SGCD: variants seen among roughly 807,000 people sequenced by gnomAD.
SGCD encodes sarcoglycan delta.
In SGCD, 18 loss-of-function variants were observed where a neutral mutation model predicts 36.6. That is an observed-to-expected ratio of 0.49 (90% CI 0.34 to 0.73). The LOEUF is 0.73. SGCD is among the 30% of genes least tolerant of loss of function. SGCD has a pLI of 0.01. For synonymous variants in SGCD, 133 were observed against 130.6 expected (o/e 1.02, Z -0.12); for missense variants, 387 against 346.7 (o/e 1.12, Z -0.92).
chr5:156,643,284 G>A (rs1369096970), intron 6 of SGCD, among the ~76,000 whole-genome samples: 1 of 151,742 alleles, frequency 6.6e-6, no homozygotes, highest in Non-Finnish European at 1.5e-5. Flanking sequence ...CGCCCACCTT[G>A]GCCTTCCAAA....
At chr5:156,271,460 AG>A (rs1766177739) in intron 3 of SGCD, among the ~76,000 whole-genome samples, 1 of 152,166 alleles carries the variant, frequency 6.6e-6, no homozygotes, top group African/African-American at 2.4e-5. Context: ...AGGGCAGGGG[AG>A]GGAAACCATG....
At chr5:156,056,910 T>C (rs1760080334) in intron 1 of SGCD, among the ~76,000 whole-genome samples, 1 of 146,060 alleles carries the variant, frequency 6.8e-6, no homozygotes, top group Admixed American at 6.9e-5. Context: ...GACTGATACC[T>C]ACTTAGTGTA....
At chr5:156,530,723 G>T (rs1311070080) in intron 4 of SGCD, among the ~76,000 whole-genome samples, 1 of 152,022 alleles carries the variant, frequency 6.6e-6, no homozygotes, top group East Asian at 1.9e-4. Context: ...AGGATTACAG[G>T]CATGCACCAC....
intron 3 of SGCD, among the ~76,000 whole-genome samples, chr5:156,320,919 G>A (rs1486215972): frequency 6.6e-6 from 1 of 152,176 alleles, no homozygotes; most frequent in Non-Finnish European, 1.5e-5. Context: ...AGCCAGAGCA[G>A]AGTGAGTGTC....
At chr5:156,708,767 C>T (rs568452005) in intron 7 of SGCD, among the ~76,000 whole-genome samples, 1 of 152,134 alleles carries the variant, frequency 6.6e-6, no homozygotes, top group East Asian at 1.9e-4. Flanking sequence ...AGGGACCTCA[C>T]AGAAATGAAG....
chr5:156,068,396 C>T (rs1191018926), intron 1 of SGCD, among the ~76,000 whole-genome samples: 1 of 151,798 alleles, frequency 6.6e-6, no homozygotes, highest in African/African-American at 2.4e-5. Context: ...TCTTGCGATA[C>T]TTTACTGAGA....
At chr5:156,133,951 ACACACACACAG>A (rs1561533589) in intron 3 of SGCD, among the ~76,000 whole-genome samples, 36 of 144,524 alleles carry the variant, frequency 2.5e-4, no homozygotes, top group African/African-American at 8.7e-4. Context: ...ACACACACAC[ACACACACACAG>A]TTTCTCTCTG....
chr5:156,310,253 G>A (rs1423585351), intron 3 of SGCD, among the ~76,000 whole-genome samples: 1 of 152,180 alleles, frequency 6.6e-6, no homozygotes, highest in Non-Finnish European at 1.5e-5. Context: ...TTGGTGGCGA[G>A]GCACTGGTCT....
chr5:156,281,627 C>T (rs896548181), intron 3 of SGCD, among the ~76,000 whole-genome samples: 1 of 151,992 alleles, frequency 6.6e-6, no homozygotes, highest in African/African-American at 2.4e-5. Context: ...CTTTCATGAA[C>T]CTTACATTCT....
At chr5:156,261,955 T>C (rs910615568) in intron 3 of SGCD, among the ~76,000 whole-genome samples, 2 of 152,158 alleles carry the variant, frequency 1.3e-5, no homozygotes, top group African/African-American at 4.8e-5. Flanking sequence ...AGCTGTACGA[T>C]GTATTTGTGC....
chr5:156,238,348 G>C (rs549367403), intron 3 of SGCD, among the ~76,000 whole-genome samples: 3 of 152,246 alleles, frequency 2.0e-5, no homozygotes, highest in South Asian at 2.1e-4. Flanking sequence ...AGGTGGTATA[G>C]AGCGGGGATC....
At chr5:155,847,791 T>C in the SGCD span, among the ~76,000 whole-genome samples, 2 of 152,224 alleles carry the variant, frequency 1.3e-5, no homozygotes, top group African/African-American at 4.8e-5. Context: ...CAAGCCATTT[T>C]AGCTCAGGCC....
chr5:156,485,082 C>T (rs1032622668), intron 3 of SGCD, among the ~76,000 whole-genome samples: 3 of 151,998 alleles, frequency 2.0e-5, no homozygotes, highest in Non-Finnish European at 4.4e-5. Context: ...ATGTGTCTGA[C>T]ATTCCTAAGA....
At chr5:156,042,061 T>C (rs951512981) in intron 1 of SGCD, among the ~76,000 whole-genome samples, 16 of 152,106 alleles carry the variant, frequency 1.1e-4, no homozygotes, top group African/African-American at 2.9e-4. Flanking sequence ...GGGCCTTGGG[T>C]TGCAACTACT....
chr5:156,633,677 T>C (rs138704709), intron 6 of SGCD, among the ~76,000 whole-genome samples: 20 of 152,328 alleles, frequency 1.3e-4, no homozygotes, highest in Admixed American at 1.2e-3. Context: ...ATGTCAGCAG[T>C]TGATATGACT....
chr5:156,546,073 T>A (rs1422252950), intron 4 of SGCD, among the ~76,000 whole-genome samples: 1 of 152,104 alleles, frequency 6.6e-6, no homozygotes, highest in Non-Finnish European at 1.5e-5. Flanking sequence ...CACAGCACAC[T>A]CTATCTCCCC....
At chr5:156,154,992 A>C (rs1236977707) in intron 3 of SGCD, among the ~76,000 whole-genome samples, 1 of 151,672 alleles carries the variant, frequency 6.6e-6, no homozygotes, top group Non-Finnish European at 1.5e-5. Context: ...GGGAATGTTA[A>C]TGAGTAAAAT....
chr5:156,748,115 C>T (rs1757014050), intron 7 of SGCD, among the ~76,000 whole-genome samples: 1 of 152,072 alleles, frequency 6.6e-6, no homozygotes, highest in Non-Finnish European at 1.5e-5. Context: ...TTTCAAAAAT[C>T]ATAAAAGAGT....
chr5:156,371,494 C>G (rs1770382189), intron 3 of SGCD, among the ~76,000 whole-genome samples: 1 of 152,094 alleles, frequency 6.6e-6, no homozygotes, highest in Non-Finnish European at 1.5e-5. Flanking sequence ...GAGACCATGT[C>G]TAAGTATGAT....
Sources: gnomAD v4.1 joint callset for allele counts (sites outside exome capture counted in the v4.1 genomes callset) on GRCh38, gnomAD v4.1.1 for gene constraint, MANE v1.5 for transcripts, NCBI Gene and HGNC (gene_info 2026-07-23, HGNC 2026-07-21) for gene names.